ARHGEF28: variants seen among roughly 807,000 people sequenced by gnomAD.
ARHGEF28 encodes Rho guanine nucleotide exchange factor 28.
In ARHGEF28, 152 loss-of-function variants were observed where a neutral mutation model predicts 206.6. The ratio of observed to expected loss-of-function variants is 0.74; its 90% CI spans 0.64 to 0.84. The LOEUF is 0.84. Among genes scored for constraint, ARHGEF28 ranks in the 40% least tolerant of loss-of-function variants. The probability of loss-of-function intolerance (pLI) is 0.00; values close to 1 mark genes in which losing one functional copy is unlikely to be tolerated. For missense variants in ARHGEF28, 2,028 were observed against 2,073.2 expected, an observed-to-expected ratio of 0.98 and a Z score of 0.42; for synonymous variants, 763 against 776.4, an observed-to-expected ratio of 0.98 and a Z score of 0.29.
intron 2 of ARHGEF28, among the ~76,000 whole-genome samples, chr5:73,735,624 C>T (rs980462512): frequency 3.3e-5 from 5 of 152,244 alleles, no homozygotes; most frequent in African/African-American, 7.2e-5. Context: ...ATCTCGATAG[C>T]AGCCTTCCTG....
chr5:73,654,375 A>C (rs745577326), intron 1 of ARHGEF28, among the ~76,000 whole-genome samples: 15 of 152,230 alleles, frequency 9.9e-5, no homozygotes, highest in Non-Finnish European at 1.8e-4. Context: ...CTCAAATGGC[A>C]GGTACAGGGA....
intron 16 of ARHGEF28, among the ~76,000 whole-genome samples, chr5:73,858,764 G>A (rs1363881027): frequency 6.6e-6 from 1 of 152,084 alleles, no homozygotes; most frequent in African/African-American, 2.4e-5. Context: ...CAAAGCATTA[G>A]CCAGAGTGAG....
At position 73,659,019 on chromosome 5, in the gene ARHGEF28, CAG is replaced by C. The variant is rs201408916; in HGVS notation, c.-11-25821_-11-25820del. 8.0e-3 allele frequency among the ~76,000 whole-genome samples: 1,204 copies of C among 151,378 alleles called. 15 individuals are homozygous for C. The highest frequency in any genetic ancestry group is 0.028 in the African/African-American group (1,144 of 41,134). ...CACACACACACACCACACTCACAGG[CAG>C]GGGACTGTATATTTCTTGTAACTTG... On this transcript the variant is annotated intron_variant, in intron 1 of 35. Coordinates refer to ENST00000513042, the MANE Select transcript of ARHGEF28 (RefSeq NM_001177693.2).
intron 2 of ARHGEF28, among the ~76,000 whole-genome samples, chr5:73,710,652 T>C (rs755151786): frequency 6.6e-6 from 1 of 152,216 alleles, no homozygotes; most frequent in Non-Finnish European, 1.5e-5. Context: ...AAAAAATGTT[T>C]TCTTTTAGAA....
chr5:73,751,052 A>G (rs1402413039), intron 3 of ARHGEF28, among the ~76,000 whole-genome samples: 1 of 152,158 alleles, frequency 6.6e-6, no homozygotes, highest in African/African-American at 2.4e-5. Flanking sequence ...ACCATCGGCA[A>G]TTTTAAGCAC....
chr5:73,782,480 A>G (rs924033152), intron 7 of ARHGEF28, among the ~76,000 whole-genome samples: 7 of 152,068 alleles, frequency 4.6e-5, no homozygotes, highest in African/African-American at 1.7e-4. Context: ...TAAAAAAACT[A>G]GTGTTAGAGA....
intron 9 of ARHGEF28, chr5:73,803,647 T>G (rs916929897): frequency 1.3e-5 from 2 of 154,836 alleles, no homozygotes; most frequent in African/African-American, 2.4e-5. Flanking sequence ...GCTGTCAGAA[T>G]CTATTCTTTA....
intron 1 of ARHGEF28, among the ~76,000 whole-genome samples, chr5:73,658,999 A>ACACACG (rs1745415681): frequency 6.6e-6 from 1 of 150,968 alleles, no homozygotes; most frequent in Non-Finnish European, 1.5e-5. Context: ...ACACACACAC[A>ACACACG]CACACACCAC....
chr5:73,734,038 C>T (rs1750760850), intron 2 of ARHGEF28, among the ~76,000 whole-genome samples: 1 of 152,100 alleles, frequency 6.6e-6, no homozygotes, highest in South Asian at 2.1e-4. Flanking sequence ...AAGGATGGTG[C>T]TAAACCATTC....
intron 34 of ARHGEF28, 28 bp downstream of exon 34, chr5:73,909,925 C>G: frequency 6.7e-7 from 1 of 1,482,018 alleles, no homozygotes; most frequent in Non-Finnish European, 8.9e-7. Flanking sequence ...TGCTGTGAGG[C>G]AGCCTCTCAA....
intron 2 of ARHGEF28, among the ~76,000 whole-genome samples, chr5:73,688,355 A>G (rs1336845830): frequency 6.6e-6 from 1 of 152,146 alleles, no homozygotes; most frequent in Non-Finnish European, 1.5e-5. Flanking sequence ...TTTGCTTATA[A>G]CCTGTTTTGA....
At chr5:73,871,406 A>G (rs534933602) in intron 21 of ARHGEF28, among the ~76,000 whole-genome samples, 1 of 152,336 alleles carries the variant, frequency 6.6e-6, no homozygotes, top group African/African-American at 2.4e-5. Context: ...AAGTTGGTAG[A>G]TTTCCAATTA....
chr5:73,892,289 T>G (rs2112686159), intron 27 of ARHGEF28, 59 bp downstream of exon 27: 2 of 1,498,468 alleles, frequency 1.3e-6, no homozygotes, highest in African/African-American at 1.4e-5. Flanking sequence ...GGGAAAATAT[T>G]CTAACCATGT....
In ARHGEF28 at chr5:73,677,378, A is replaced by G. The variant is rs774092805; in HGVS notation, c.-11-7463A>G. On this transcript the variant is annotated intron_variant, in intron 1 of 35. Transcript: ENST00000513042. ...GGAATATTGAGCAAGGTGCCTGAGT[A>G]TTACCTGTTAATTAGTTTTGTAAAA... Among the ~76,000 whole-genome samples, 175 of 152,176 alleles carry G rather than the reference A, an allele frequency of 1.1e-3. 2 individuals carry two copies. The highest frequency in any genetic ancestry group is 2.0e-3 in the Non-Finnish European group (136 of 68,018).
intron 1 of ARHGEF28, among the ~76,000 whole-genome samples, chr5:73,646,964 G>T (rs1205719415): frequency 6.6e-6 from 1 of 152,156 alleles, no homozygotes; most frequent in East Asian, 1.9e-4. Context: ...ACCACCACTT[G>T]TCTGCGTCTT....
intron 2 of ARHGEF28, among the ~76,000 whole-genome samples, chr5:73,727,249 TC>T (rs1205775075): frequency 6.6e-6 from 1 of 152,198 alleles, no homozygotes; most frequent in African/African-American, 2.4e-5. Flanking sequence ...GCAAGTTTCT[TC>T]TTAGAAACAT....
intron 2 of ARHGEF28, among the ~76,000 whole-genome samples, chr5:73,748,465 G>A (rs1325788101): frequency 6.6e-6 from 1 of 152,126 alleles, no homozygotes; most frequent in East Asian, 1.9e-4. Flanking sequence ...AAAAAACTGA[G>A]ATTAAATAAC....
Position 73,911,295 on chromosome 5 carries a change from T to C in ARHGEF28, c.4668T>C (p.Ser1556=). Residue 1556 remains serine, a synonymous_variant, in exon 35 of 36, where the codon TCT becomes TCC. Transcript: ENST00000513042. ...CACAGGTAATGGAACTTAATCGATC[T>C]GAGAGTTTATGTCATGAAAACTCAT... ...GGPEVMELNR[S]ESLCHENSFF... is the part of the protein sequence containing the mutation. 1 of 1,597,876 alleles carries C rather than the reference T, an allele frequency of 6.3e-7. No individual in the cohort carries two copies. The highest frequency in any genetic ancestry group is 1.1e-5 in the South Asian group (1 of 88,490).
intron 27 of ARHGEF28, 65 bp downstream of exon 27, chr5:73,892,295 C>T: frequency 6.7e-7 from 1 of 1,491,900 alleles, no homozygotes; most frequent in Non-Finnish European, 9.0e-7. Flanking sequence ...ATATTCTAAC[C>T]ATGTCTTCCT....
Sources: allele counts gnomAD v4.1 joint callset (sites outside exome capture counted in the v4.1 genomes callset), GRCh38; gene constraint gnomAD v4.1.1; transcripts MANE v1.5; gene names NCBI Gene and HGNC (gene_info 2026-07-23, HGNC 2026-07-21).